Variants in RIMKLB observed in about 807,000 individuals in gnomAD.
RIMKLB encodes the protein ribosomal modification protein rimK like family member B.
RIMKLB carries 7 observed loss-of-function variants against 32.0 expected under a neutral mutation model. The ratio of observed to expected loss-of-function variants is 0.22; its 90% CI spans 0.12 to 0.41. The LOEUF (loss-of-function observed/expected upper bound fraction) is 0.41. RIMKLB is among the 10% of genes least tolerant of loss of function. The pLI, the probability that RIMKLB is intolerant of heterozygous loss-of-function variation, is 1.00. For synonymous variants in RIMKLB, 172 were observed against 185.1 expected (o/e 0.93, Z 0.57); for missense variants, 289 against 498.7 (o/e 0.58, Z 4.00).
downstream of RIMKLB, among the ~76,000 whole-genome samples, chr12:8,778,317 G>T (rs1411286094): frequency 6.6e-6 from 1 of 152,136 alleles, no homozygotes; most frequent in Non-Finnish European, 1.5e-5. Flanking sequence ...GCTTCTCTCT[G>T]TGACTTTATA....
chr12:8,733,406 C>A (rs376021396), intron 2 of RIMKLB, among the ~76,000 whole-genome samples: 1 of 151,856 alleles, frequency 6.6e-6, no homozygotes, highest in Non-Finnish European at 1.5e-5. Context: ...TGAGATCCAT[C>A]GTGTAGTATC....
intron 2 of RIMKLB, among the ~76,000 whole-genome samples, chr12:8,748,518 T>TTGTG (rs1948307869): frequency 6.2e-5 from 5 of 80,974 alleles, no homozygotes; most frequent in Non-Finnish European, 1.3e-4. Flanking sequence ...GTGGGATTAT[T>TTGTG]CGTGTGTGTG....
intron 4 of RIMKLB, 30 bp from the exon 5 acceptor site, chr12:8,753,860 A>C (rs1173577375): frequency 1.5e-5 from 23 of 1,563,476 alleles, no homozygotes; most frequent in Non-Finnish European, 2.0e-5. Context: ...TTGATGACTT[A>C]ACATGTATTT....
In RIMKLB at chr12:8,774,571, GCTTT is replaced by G. The variant is rs1268756825; in HGVS notation, c.*788_*791del. ...TTGAAAGATGTGCTCTGTTAATGTT[GCTTT>G]TTTTTTTTTTTTTAATACATGCTAG... On this transcript the variant is annotated 3_prime_UTR_variant, in exon 6 of 6. Transcript: ENST00000535829. The G allele has an allele frequency of 3.3e-6, 3 of 907,072 alleles. No individual in the cohort carries two copies. The Admixed American group carries it at 2.1e-4, about 64-fold the overall frequency. The allele number at this position is 907,072 out of a possible 1,614,324, so 56.2% of individuals were successfully genotyped here.
upstream of RIMKLB, among the ~76,000 whole-genome samples, chr12:8,680,522 G>A (rs1406155596): frequency 1.3e-5 from 2 of 152,128 alleles, no homozygotes; most frequent in African/African-American, 4.8e-5. Flanking sequence ...AGTCACCCTC[G>A]GGGCTGCTCT....
At chr12:8,707,831 GA>G (rs1944031504) in intron 1 of RIMKLB, among the ~76,000 whole-genome samples, 1 of 152,204 alleles carries the variant, frequency 6.6e-6, no homozygotes, top group Admixed American at 6.5e-5. Context: ...ACACTTTTAA[GA>G]GACACAAATT....
chr12:8,680,645 C>T (rs143446819), upstream of RIMKLB, among the ~76,000 whole-genome samples: 52 of 152,304 alleles, frequency 3.4e-4, 1 homozygote, highest in East Asian at 9.7e-3. Context: ...AAACCCTCTC[C>T]GGGGGTTTGG....
At chr12:8,673,742 C>T in the RIMKLB span, among the ~76,000 whole-genome samples, 7 of 151,798 alleles carry the variant, frequency 4.6e-5, no homozygotes, top group South Asian at 2.1e-4. Flanking sequence ...ACTACAGGTG[C>T]GTGCCACCAT....
chr12:8,699,684 A>C (rs906156821), intron 1 of RIMKLB: 8 of 151,580 alleles, frequency 5.3e-5, no homozygotes, highest in African/African-American at 1.9e-4. Flanking sequence ...TCCTTCTTTC[A>C]TGTCATTGAT....
chr12:8,765,562 A>G (rs1949889963), intron 5 of RIMKLB, among the ~76,000 whole-genome samples: 1 of 152,186 alleles, frequency 6.6e-6, no homozygotes, highest in South Asian at 2.1e-4. Flanking sequence ...TATAGCCATC[A>G]GGGTTATCTG....
rs34755699 is a variant in RIMKLB, at chr12:8,722,220, T to TAAA, written c.175+8191_175+8193dup. 5.6e-3 allele frequency among the ~76,000 whole-genome samples: 834 copies of TAAA among 147,738 alleles called. 5 individuals are homozygous for TAAA. Among genetic ancestry groups the TAAA allele is most frequent in the African/African-American group, 0.019 (788 of 40,448 alleles). On this transcript the variant is annotated intron_variant, in intron 2 of 5. Coordinates refer to ENST00000535829, the MANE Select transcript of RIMKLB (RefSeq NM_001297776.2). ...CTGTTTGTCAGCTGTCTCACAGAGC[T>TAAA]AAAAAAAAAAAAAATTACTTCTTGA... is the stretch of plus-strand genomic sequence containing the variant.
chr12:8,769,214 C>T (rs978252504), intron 5 of RIMKLB, among the ~76,000 whole-genome samples: 1 of 152,086 alleles, frequency 6.6e-6, no homozygotes, highest in African/African-American at 2.4e-5. Context: ...TTTACCATTA[C>T]CCTATTACCT....
chr12:8,716,474 G>T (rs1591707141), intron 2 of RIMKLB, among the ~76,000 whole-genome samples: 1 of 100,618 alleles, frequency 9.9e-6, no homozygotes, highest in South Asian at 3.0e-4. Context: ...GAGCCAGTAT[G>T]CTACAAAATT....
chr12:8,670,929 A>T, the RIMKLB span, among the ~76,000 whole-genome samples: 1 of 152,250 alleles, frequency 6.6e-6, no homozygotes, highest in African/African-American at 2.4e-5. Flanking sequence ...ATCACATGGA[A>T]GCTGCCAAGG....
intron 1 of RIMKLB, among the ~76,000 whole-genome samples, chr12:8,688,104 T>C (rs1324504524): frequency 2.6e-5 from 4 of 152,220 alleles, no homozygotes; most frequent in African/African-American, 7.2e-5. Context: ...GCAGAGGCCA[T>C]GTGCATGTGA....
chr12:8,730,801 G>A (rs960356733), intron 2 of RIMKLB, among the ~76,000 whole-genome samples: 8 of 152,016 alleles, frequency 5.3e-5, no homozygotes, highest in Non-Finnish European at 1.2e-4. Flanking sequence ...GTGCAGTGGC[G>A]TGGTCTCGGC....
intron 3 of RIMKLB, among the ~76,000 whole-genome samples, chr12:8,750,426 A>G (rs1261548499): frequency 6.6e-6 from 1 of 152,202 alleles, no homozygotes; most frequent in African/African-American, 2.4e-5. Context: ...AAACTTTATT[A>G]TTATAAAAAC....
At chr12:8,707,390 C>T (rs1445063320) in intron 1 of RIMKLB, among the ~76,000 whole-genome samples, 1 of 152,188 alleles carries the variant, frequency 6.6e-6, no homozygotes, top group East Asian at 1.9e-4. Flanking sequence ...ATAAAGGATA[C>T]AGATGAAAAG....
At chr12:8,754,265 A>G (rs1420423085) in intron 5 of RIMKLB, among the ~76,000 whole-genome samples, 172 bp downstream of exon 5, 1 of 152,174 alleles carries the variant, frequency 6.6e-6, no homozygotes, top group African/African-American at 2.4e-5. Context: ...CTCTTGAGTT[A>G]TTTTTCTAGT....
Sources: gnomAD v4.1 joint callset for allele counts (sites outside exome capture counted in the v4.1 genomes callset) on GRCh38, gnomAD v4.1.1 for gene constraint, MANE v1.5 for transcripts, NCBI Gene and HGNC (gene_info 2026-07-23, HGNC 2026-07-21) for gene names.